Variants in SULF1 observed in about 807,000 individuals in gnomAD.
The protein encoded by SULF1 is sulfatase 1.
Under a neutral mutation model 110.5 loss-of-function variants are expected in SULF1, and 46 were observed. That is an observed-to-expected ratio of 0.42 (90% confidence interval 0.33 to 0.53). The LOEUF (loss-of-function observed/expected upper bound fraction) is 0.53, where lower values mean the gene tolerates loss of function less well. Among genes scored for constraint, SULF1 ranks in the 20% least tolerant of loss-of-function variants. The probability of loss-of-function intolerance (pLI) is 0.12; values close to 1 mark genes in which losing one functional copy is unlikely to be tolerated. For missense variants in SULF1, 941 were observed against 1,094.2 expected, an observed-to-expected ratio of 0.86 and a Z score of 1.98; for synonymous variants, 371 against 387.1, an observed-to-expected ratio of 0.96 and a Z score of 0.49.
rs1303824771 is a variant in SULF1, at chr8:69,604,943, C to G, written c.1377+11C>G. On this transcript the variant is annotated intron_variant, in intron 13 of 22. Coordinates refer to ENST00000402687, the MANE Select transcript of SULF1 (RefSeq NM_001128205.2). ...GAACAACCGGGGCAGGTGAGTGACG[C>G]AGGCTTTCTTTACCACCACTCATGT... is the stretch of plus-strand genomic sequence containing the variant. The G allele has an allele frequency of 1.2e-6, 2 of 1,613,298 alleles. No individual in the cohort carries two copies. The highest frequency in any genetic ancestry group is 3.4e-5 in the Admixed American group (2 of 59,668).
At position 69,519,204 on chromosome 8, in the gene SULF1, C is replaced by T. The variant is rs374838142; in HGVS notation, c.-134+17236C>T. 3.0e-3 allele frequency among the ~76,000 whole-genome samples: 455 copies of T among 152,290 alleles called. 1 individual carries two copies. The highest frequency in any genetic ancestry group is 0.013 in the South Asian group (63 of 4,832). ...CCACATTCATATTCAAACTTTGTTT[C>T]TGTTTCTTTTCTCCCCGCAAGGCAG... On this transcript the variant is annotated intron_variant, in intron 3 of 22. Coordinates refer to ENST00000402687, the MANE Select transcript of SULF1 (RefSeq NM_001128205.2).
At chr8:69,470,979 A>G (rs1809059614) in intron 1 of SULF1, among the ~76,000 whole-genome samples, 1 of 152,142 alleles carries the variant, frequency 6.6e-6, no homozygotes, top group Non-Finnish European at 1.5e-5. Context: ...TTCTAAGTCT[A>G]CATTCATAAG....
intron 22 of SULF1, among the ~76,000 whole-genome samples, chr8:69,655,478 A>G (rs1309205607): frequency 2.0e-5 from 3 of 152,222 alleles, no homozygotes; most frequent in Non-Finnish European, 4.4e-5. Context: ...TGCATCTTCT[A>G]TAATTTCTTC....
Position 69,589,113 on chromosome 8 carries a change from A to C in SULF1, c.706A>C (p.Lys236Gln). ...GPEDSAPQFS[K>Q]LYPNASQHIT... The stretch of plus-strand genomic sequence containing the variant: ...CGAGGACTCAGCCCCACAGTTTTCT[A>C]AACTGTACCCCAATGCTTCCCAACA... Residue 236 changes from lysine (K) to glutamine (Q), a missense_variant, in exon 8 of 23, where the codon AAA (lysine) becomes CAA (glutamine). By Grantham distance (53) the Lys-to-Gln change is moderately conservative (BLOSUM62 1). Around this residue, in one of 3 missense-constraint regions of SULF1, gnomAD observed 822 missense variants for 934.3 expected, o/e 0.88. Transcript: ENST00000402687. 6.2e-7 allele frequency: 1 copy of C among 1,614,084 alleles called. No individual in the cohort carries two copies. The highest frequency in any genetic ancestry group is 8.5e-7 in the Non-Finnish European group (1 of 1,179,992).
chr8:69,501,237 A>G (rs1294271836), intron 2 of SULF1, among the ~76,000 whole-genome samples: 2 of 152,192 alleles, frequency 1.3e-5, no homozygotes, highest in Admixed American at 6.5e-5. Context: ...TCTCTTTTAT[A>G]TCATATGCAC....
chr8:69,613,307 T>TG (rs1236903556), intron 13 of SULF1, among the ~76,000 whole-genome samples: 1 of 151,546 alleles, frequency 6.6e-6, no homozygotes. Context: ...ATTTGGTTTT[T>TG]TTTTTTTTTT....
intron 22 of SULF1, among the ~76,000 whole-genome samples, chr8:69,654,177 TCTCATGA>T (rs1303454869): frequency 6.6e-6 from 1 of 152,216 alleles, no homozygotes; most frequent in Non-Finnish European, 1.5e-5. Context: ...ATTGGATTTC[TCTCATGA>T]CTCATGACGT....
At chr8:69,529,450 C>T (rs1257894261) in intron 3 of SULF1, among the ~76,000 whole-genome samples, 1 of 152,144 alleles carries the variant, frequency 6.6e-6, no homozygotes, top group African/African-American at 2.4e-5. Flanking sequence ...TTTTTAGAAA[C>T]TTATTGTATT....
At chr8:69,538,096 G>C (rs1445975622) in intron 3 of SULF1, among the ~76,000 whole-genome samples, 1 of 151,700 alleles carries the variant, frequency 6.6e-6, no homozygotes, top group Non-Finnish European at 1.5e-5. Context: ...CGCGTAGCTG[G>C]GACTACAGGC....
intron 6 of SULF1, among the ~76,000 whole-genome samples, chr8:69,577,780 C>T (rs10108002): frequency 0.24 from 36,841 of 152,006 alleles, 4,963 homozygotes; most frequent in Non-Finnish European, 0.3. Context: ...ATGAAAAAAC[C>T]GAGACTCAGA....
At chr8:69,524,663 C>T (rs1358914015) in intron 3 of SULF1, among the ~76,000 whole-genome samples, 1 of 152,126 alleles carries the variant, frequency 6.6e-6, no homozygotes, top group African/African-American at 2.4e-5. Context: ...CATTGAATAT[C>T]CTAGAGTTAT....
At chr8:69,604,670 GCTTTAACAT>G in intron 12 of SULF1, 124 bp from the exon 13 acceptor site, 1 of 1,161,046 alleles carries the variant, frequency 8.6e-7, no homozygotes, top group Non-Finnish European at 1.2e-6. Flanking sequence ...TGTAGACAGA[GCTTTAACAT>G]CTATTTCTTG....
rs146417849 is a variant in SULF1 at position 69,603,231 on chromosome 8, G to T, written c.1101G>T (p.Thr367=). 1.2e-6 allele frequency: 2 copies of T among 1,614,086 alleles called. No homozygotes were observed. The highest frequency in any genetic ancestry group is 8.5e-7 in the Non-Finnish European group (1 of 1,180,028). Residue 367 remains threonine (T), a synonymous_variant, in exon 11 of 23, where the codon ACG becomes ACT. Coordinates refer to ENST00000402687, the MANE Select transcript of SULF1 (RefSeq NM_001128205.2). The part of the protein sequence containing the change: ...QIVLNIDLAP[T]ILDIAGLDTP... ...TTCTCAACATTGACTTGGCCCCCAC[G>T]ATCCTGGATATTGCTGGGCTCGACA...
intron 22 of SULF1, chr8:69,642,408 T>A (rs1343400916): frequency 8.1e-6 from 8 of 986,802 alleles, no homozygotes; most frequent in Non-Finnish European, 9.6e-6. Flanking sequence ...TGTATGTATG[T>A]CTTCTTTTTT....
chr8:69,502,114 A>C (rs928664438), intron 3 of SULF1, 146 bp downstream of exon 3: 1 of 152,220 alleles, frequency 6.6e-6, no homozygotes, highest in Non-Finnish European at 1.5e-5. Context: ...TTCCCATCAC[A>C]TTCTCATTCT....
intron 1 of SULF1, among the ~76,000 whole-genome samples, chr8:69,470,392 CCTGA>C (rs2150529095): frequency 6.6e-6 from 1 of 152,168 alleles, no homozygotes; most frequent in Non-Finnish European, 1.5e-5. Context: ...AAAAAATTGT[CCTGA>C]AATATGTTTC....
At chr8:69,492,787 G>A (rs959236414), upstream of SULF1, 2 of 152,328 alleles carry the variant, frequency 1.3e-5, no homozygotes, top group African/African-American at 2.4e-5. Context: ...GGTTCTATGG[G>A]GGTGTGTGAT....
chr8:69,503,013 G>A (rs983807937), intron 3 of SULF1, among the ~76,000 whole-genome samples: 5 of 152,014 alleles, frequency 3.3e-5, no homozygotes, highest in African/African-American at 4.8e-5. Context: ...TAAGCCTTCC[G>A]TTGGCCCAAG....
intron 1 of SULF1, among the ~76,000 whole-genome samples, chr8:69,474,847 A>G (rs1467410374): frequency 1.3e-5 from 2 of 152,218 alleles, no homozygotes; most frequent in Admixed American, 6.5e-5. Context: ...ATTAGATGAG[A>G]TAATAAAATA....
Sources: allele counts gnomAD v4.1 joint callset (sites outside exome capture counted in the v4.1 genomes callset), GRCh38; gene constraint gnomAD v4.1.1; regional missense constraint gnomAD v4.1.1; transcripts MANE v1.5; gene names NCBI Gene and HGNC (gene_info 2026-07-23, HGNC 2026-07-21).